Variants in ZNF367 observed in about 807,000 individuals in gnomAD.
ZNF367 encodes the protein zinc finger protein 367, also known as C2H2 zinc finger protein ZFF29.
Under a neutral mutation model 31.8 loss-of-function variants are expected in ZNF367, and 11 were observed. The ratio of observed to expected loss-of-function variants is 0.35; its 90% CI spans 0.22 to 0.57. The LOEUF is 0.57. Among genes scored for constraint, ZNF367 ranks in the 20% least tolerant of loss-of-function variants. ZNF367 has a pLI of 0.85. For synonymous variants in ZNF367, 199 were observed against 202.4 expected (o/e 0.98, Z 0.14); for missense variants, 353 against 484.1 (o/e 0.73, Z 2.54).
Position 96,386,656 on chromosome 9 carries a change from T to C in ZNF367, c.*1581A>G, listed in dbSNP as rs1411711722. 1 of 152,182 alleles carries C rather than the reference T, an allele frequency of 6.6e-6. No homozygotes were observed. Among genetic ancestry groups the C allele is most frequent in the Non-Finnish European group, 1.5e-5 (1 of 68,006 alleles). 9.4% of individuals were successfully genotyped at this position (152,182 alleles called of 1,614,324 possible). ...ACAGAGGAATTACATTTTTAAAGTATGTCCTCATCATACACATTATTCGTA... is the reference window on the plus strand; with the variant it reads ...ACAGAGGAATTACATTTTTAAAGTACGTCCTCATCATACACATTATTCGTA... On this transcript the variant is annotated 3_prime_UTR_variant, in exon 5 of 5. Transcript: ENST00000375256.
At chr9:96,406,242 T>G (rs1240941663) in intron 1 of ZNF367, among the ~76,000 whole-genome samples, 2 of 152,168 alleles carry the variant, frequency 1.3e-5, no homozygotes, top group African/African-American at 4.8e-5. Flanking sequence ...ACTTCTAAAA[T>G]GAAGATGCTT....
chr9:96,411,556 C>T (rs1057332662), intron 1 of ZNF367, among the ~76,000 whole-genome samples: 2 of 151,796 alleles, frequency 1.3e-5, no homozygotes, highest in Admixed American at 6.6e-5. Flanking sequence ...AGTGAGACTT[C>T]GTCTGAAAAA....
chr9:96,394,887 A>G lies in ZNF367; in HGVS notation c.627T>C (p.Ser209=), dbSNP rs377575748. ...GACGCTGATGTGTTTTGAGCTGTCC[A>G]CTTTGAACAAAGGCTTTTCCACAGT... is the stretch of plus-strand genomic sequence containing the variant. The part of the protein sequence containing the change: ...YPDCGKAFVQ[S]GQLKTHQRLH... Residue 209 remains serine, a synonymous_variant, in exon 3 of 5, where the codon AGT becomes AGC. Transcript: ENST00000375256. 8.3e-5 allele frequency: 134 copies of G among 1,614,016 alleles called. No individual in the cohort carries two copies. Among genetic ancestry groups the G allele is most frequent in the Non-Finnish European group, 1.1e-4 (130 of 1,180,008 alleles).
In ZNF367 at chr9:96,417,624, C is replaced by A; in HGVS notation, c.409G>T (p.Gly137Cys). The change falls in exon 1 of 5, where the codon GGC (glycine) becomes TGC (cysteine). Residue 137 changes from glycine to cysteine, a missense_variant. By Grantham distance (159) the Gly-to-Cys change is radical. Around this residue, in one of 5 missense-constraint regions of ZNF367, gnomAD observed 70 missense variants for 57.1 expected, o/e 1.23. Transcript: ENST00000375256. The surrounding 1 kb of genome is among the most constrained non-coding windows in gnomAD (Gnocchi z 5.0). Reference sequence around the variant, plus strand: ...CCCGCGCCGCTCACCTTGAGGTGGCCGCTGTCTGGGCTGCTCGCTTCCTCC... The same window carrying A: ...CCCGCGCCGCTCACCTTGAGGTGGCAGCTGTCTGGGCTGCTCGCTTCCTCC... ...DEEEASSPDS[G>C]HLKDGIRRGR... 1.4e-6 allele frequency: 1 copy of A among 707,672 alleles called. No homozygotes were observed. Among genetic ancestry groups the A allele is most frequent in the Non-Finnish European group, 1.9e-6 (1 of 516,086 alleles). 43.8% of individuals were successfully genotyped at this position (707,672 alleles called of 1,614,324 possible).
intron 1 of ZNF367, among the ~76,000 whole-genome samples, chr9:96,411,033 CA>C (rs113321594): frequency 0.063 from 6,804 of 108,256 alleles, 175 homozygotes; most frequent in Middle Eastern, 0.12. Context: ...TCCATCTCTA[CA>C]AAAAAAAAAA....
rs1304986790 is a variant in ZNF367, at chr9:96,417,068, T to C, written c.420+545A>G. ...AATTTTAGCGTCCCATTCCACTATG[T>C]GCTCTCAACACCTAGCAAGTAGTAT... is the stretch of plus-strand genomic sequence containing the variant. On this transcript the variant is annotated intron_variant, in intron 1 of 4. Transcript: ENST00000375256. This position sits in a 1 kb window ranked among gnomAD's most constrained non-coding sequence, Gnocchi z 5.0. Among the ~76,000 whole-genome samples, 1 of 152,228 alleles carries C rather than the reference T, an allele frequency of 6.6e-6. No homozygotes were observed. Among genetic ancestry groups the C allele is most frequent in the East Asian group, 1.9e-4 (1 of 5,190 alleles).
chr9:96,394,669 T>G (rs1831509312), intron 3 of ZNF367, among the ~76,000 whole-genome samples, 154 bp downstream of exon 3: 1 of 152,190 alleles, frequency 6.6e-6, no homozygotes, highest in African/African-American at 2.4e-5. Flanking sequence ...TCTGAGAAAT[T>G]CAGCATGTAT....
In ZNF367 at chr9:96,394,926, C is replaced by A; in HGVS notation, c.588G>T (p.Leu196=). 6.2e-7 allele frequency: 1 copy of A among 1,613,938 alleles called. No individual in the cohort carries two copies. Among genetic ancestry groups the A allele is most frequent in the Non-Finnish European group, 8.5e-7 (1 of 1,179,928 alleles). The change falls in exon 3 of 5, where the codon CTG becomes CTT. Residue 196 remains leucine (L), a synonymous_variant. Coordinates refer to ENST00000375256, the MANE Select transcript of ZNF367 (RefSeq NM_153695.4). ...CTTTTCCACAGTCTGGATAGTCACA[C>A]AGATAGGGCCTCTCACCTAAGTAGA... ...KRTHTGERPY[L]CDYPDCGKAF... is the part of the protein sequence containing the mutation.
In ZNF367 at chr9:96,417,690, C is replaced by T. The variant is rs1415522344; in HGVS notation, c.343G>A (p.Ala115Thr). ...GLRGRGAPPPAASASAAASGG... is the reference protein window; with the variant it reads ...GLRGRGAPPPTASASAAASGG... The stretch of plus-strand genomic sequence containing the variant: ...GAGGCGGCGGCGGAGGCCGAGGCGG[C>T]GGGCGGGGGCGCGCCCCGGCCACGA... Residue 115 changes from alanine (A) to threonine (T), a missense_variant, in exon 1 of 5, where the codon GCC (alanine) becomes ACC (threonine). By Grantham distance (58) the Ala-to-Thr change is moderately conservative. Around this residue, in one of 5 missense-constraint regions of ZNF367, gnomAD observed 70 missense variants for 57.1 expected, o/e 1.23. Transcript: ENST00000375256. The surrounding 1 kb of genome is among the most constrained non-coding windows in gnomAD (Gnocchi z 5.0). The T allele has an allele frequency of 8.8e-7, 1 of 1,133,582 alleles. No homozygotes were observed. Among genetic ancestry groups the T allele is most frequent in the Non-Finnish European group, 1.1e-6 (1 of 907,732 alleles). The allele number at this position is 1,133,582 out of a possible 1,614,324, so 70.2% of individuals were successfully genotyped here. A position where few individuals can be genotyped will look rare whatever the true frequency, so the allele number is the denominator to read the frequency against.
chr9:96,417,519 C>G lies in ZNF367; in HGVS notation c.420+94G>C, dbSNP rs1346878593. The G allele has an allele frequency of 3.8e-6, 1 of 266,030 alleles. No homozygotes were observed. 16.5% of individuals were successfully genotyped at this position (266,030 alleles called of 1,614,324 possible). A position where few individuals can be genotyped will look rare whatever the true frequency, so the allele number is the denominator to read the frequency against. On this transcript the variant is annotated intron_variant, in intron 1 of 4. Transcript: ENST00000375256. The surrounding 1 kb of genome is among the most constrained non-coding windows in gnomAD (Gnocchi z 5.0). ...GCCGCAGCCCCCGCCGTAGCCGGAT[C>G]GACCTCGCGTTTTCAACTCCGCCCC...
At chr9:96,411,828 G>GT (rs912706750) in intron 1 of ZNF367, among the ~76,000 whole-genome samples, 7 of 151,872 alleles carry the variant, frequency 4.6e-5, no homozygotes, top group African/African-American at 1.7e-4. Context: ...GGGTTTTTTT[G>GT]TTTTGTTTTT....
intron 1 of ZNF367, among the ~76,000 whole-genome samples, chr9:96,413,383 T>C (rs944153363): frequency 2.6e-5 from 4 of 152,202 alleles, no homozygotes; most frequent in African/African-American, 9.7e-5. Context: ...ATAAATACTA[T>C]GAATTTATGT....
At chr9:96,408,642 T>A (rs1374145694) in intron 1 of ZNF367, among the ~76,000 whole-genome samples, 1 of 152,090 alleles carries the variant, frequency 6.6e-6, no homozygotes, top group Non-Finnish European at 1.5e-5. Flanking sequence ...GTTCAGTGAG[T>A]ATAGAGTTTG....
At chr9:96,401,720 C>T (rs1831606875) in intron 1 of ZNF367, among the ~76,000 whole-genome samples, 1 of 151,002 alleles carries the variant, frequency 6.6e-6, no homozygotes, top group Admixed American at 6.6e-5. Context: ...CCCAGCTACT[C>T]AGGAGGCTGA....
At chr9:96,412,173 C>A (rs550099581) in intron 1 of ZNF367, among the ~76,000 whole-genome samples, 1 of 152,176 alleles carries the variant, frequency 6.6e-6, no homozygotes, top group African/African-American at 2.4e-5. Context: ...TAGGCATCTT[C>A]GGACAATTAC....
chr9:96,406,767 G>A (rs1321036422), intron 1 of ZNF367, among the ~76,000 whole-genome samples: 1 of 151,946 alleles, frequency 6.6e-6, no homozygotes, highest in Non-Finnish European at 1.5e-5. Context: ...TTGGGAGGCC[G>A]AGGCAGGCGG....
Position 96,392,422 on chromosome 9 carries a change from T to C in ZNF367, c.806A>G (p.Lys269Arg), listed in dbSNP as rs765784102. The part of the protein sequence containing the change: ...TLSKHQAADN[K>R]AAAEWLARYW... ...CCTCGCCAGCCACTCGGCCGCGGCC[T>C]TGTTGTCGGCAGCCTGATGTTTGCT... Residue 269 changes from lysine to arginine, a missense_variant, in exon 4 of 5, where the codon AAG becomes AGG. By Grantham distance (26) the Lys-to-Arg change is conservative. Around this residue, in one of 5 missense-constraint regions of ZNF367, gnomAD observed 101 missense variants for 140.0 expected, o/e 0.72. Transcript: ENST00000375256. 7 of 1,614,204 alleles carry C rather than the reference T, an allele frequency of 4.3e-6. No individual in the cohort carries two copies. Among genetic ancestry groups the C allele is most frequent in the Non-Finnish European group, 4.2e-6 (5 of 1,180,036 alleles).
chr9:96,417,964 G>A lies in ZNF367; in HGVS notation c.69C>T (p.Cys23=). The A allele has an allele frequency of 6.7e-7, 1 of 1,483,362 alleles. No individual in the cohort carries two copies. The allele number at this position is 1,483,362 out of a possible 1,614,324, so 91.9% of individuals were successfully genotyped here. A position where few individuals can be genotyped will look rare whatever the true frequency, so the allele number is the denominator to read the frequency against. The change falls in exon 1 of 5, where the codon TGC becomes TGT. Residue 23 remains cysteine (C), a synonymous_variant. Coordinates refer to ENST00000375256, the MANE Select transcript of ZNF367 (RefSeq NM_153695.4). The surrounding 1 kb of genome is among the most constrained non-coding windows in gnomAD (Gnocchi z 5.0). ...CCAGCACCCGCTTCGGGGAGTCGTGGCAGAAGATGACGGGCGGCGGCGGCG... is the reference window on the plus strand; with the variant it reads ...CCAGCACCCGCTTCGGGGAGTCGTGACAGAAGATGACGGGCGGCGGCGGCG... ...PPPPPPPVIF[C]HDSPKRVLVS...
rs149186133 is a variant in ZNF367, at chr9:96,405,000, G to C, written c.421-6686C>G. Among the ~76,000 whole-genome samples the C allele has an allele frequency of 7.7e-3, 1,172 of 152,228 alleles. 3 individuals carry two copies. The highest frequency in any genetic ancestry group is 0.015 in the South Asian group (73 of 4,826). ...AGCAGTTATATGGCCAACAAATGCAGTTATATGGCCAGCAAATACATAAAA... is the reference window on the plus strand; with the variant it reads ...AGCAGTTATATGGCCAACAAATGCACTTATATGGCCAGCAAATACATAAAA... On this transcript the variant is annotated intron_variant, in intron 1 of 4. Transcript: ENST00000375256.
Sources: allele counts gnomAD v4.1 joint callset (sites outside exome capture counted in the v4.1 genomes callset), GRCh38; gene constraint gnomAD v4.1.1; regional missense constraint gnomAD v4.1.1; non-coding constraint Gnocchi (gnomAD v3.1); transcripts MANE v1.5; gene names NCBI Gene and HGNC (gene_info 2026-07-23, HGNC 2026-07-21).